MAGI1: variants seen among roughly 807,000 people sequenced by gnomAD.
MAGI1 encodes the protein membrane-associated guanylate kinase, WW and PDZ domain-containing protein 1.
Under a neutral mutation model 139.9 loss-of-function variants are expected in MAGI1, and 58 were observed. The ratio of observed to expected loss-of-function variants is 0.41; its 90% CI spans 0.34 to 0.52. The LOEUF (loss-of-function observed/expected upper bound fraction) is 0.52, where lower values mean the gene tolerates loss of function less well. Among genes scored for constraint, MAGI1 ranks in the 20% least tolerant of loss-of-function variants. The pLI, the probability that MAGI1 is intolerant of heterozygous loss-of-function variation, is 0.12. For synonymous variants in MAGI1, 812 were observed against 737.9 expected (o/e 1.10, Z -1.63); for missense variants, 1,874 against 1,901.6 (o/e 0.99, Z 0.27).
chr3:65,521,933 T>C (rs2078183299), intron 2 of MAGI1, among the ~76,000 whole-genome samples: 1 of 152,204 alleles, frequency 6.6e-6, no homozygotes, highest in Non-Finnish European at 1.5e-5. Context: ...CCTCTGACAT[T>C]TCTATTCTTC....
chr3:66,008,719 G>C (rs2067163040), intron 1 of MAGI1: 1 of 152,162 alleles, frequency 6.6e-6, no homozygotes, highest in South Asian at 2.1e-4. Context: ...GCAGGGAACA[G>C]TGTCCAGCCA....
At chr3:65,929,035 TCCA>T (rs2062663672) in intron 1 of MAGI1, among the ~76,000 whole-genome samples, 1 of 151,530 alleles carries the variant, frequency 6.6e-6, no homozygotes, top group Non-Finnish European at 1.5e-5. Flanking sequence ...ACACCTATAA[TCCA>T]CCAGTTTGGG....
At chr3:65,464,314 GC>G (rs1326678934) in intron 5 of MAGI1, among the ~76,000 whole-genome samples, 1 of 151,710 alleles carries the variant, frequency 6.6e-6, no homozygotes, top group African/African-American at 2.4e-5. Context: ...CCAGGTTCTT[GC>G]ACTGGGAGTT....
intron 1 of MAGI1, among the ~76,000 whole-genome samples, chr3:65,781,537 G>A (rs2038932883): frequency 6.6e-6 from 1 of 152,170 alleles, no homozygotes; most frequent in Non-Finnish European, 1.5e-5. Flanking sequence ...ACTAAATACA[G>A]TAGTGGTTTG....
At chr3:65,637,721 G>A (rs765645361) in intron 1 of MAGI1, among the ~76,000 whole-genome samples, 4 of 152,180 alleles carry the variant, frequency 2.6e-5, no homozygotes, top group Admixed American at 6.5e-5. Flanking sequence ...GCTGTTGTGC[G>A]AAAGGCAGCA....
chr3:65,769,007 G>C (rs1180894691), intron 1 of MAGI1, among the ~76,000 whole-genome samples: 1 of 151,998 alleles, frequency 6.6e-6, no homozygotes, highest in Non-Finnish European at 1.5e-5. Context: ...CCAGCAAAGA[G>C]CCTCTTGGTA....
intron 1 of MAGI1, among the ~76,000 whole-genome samples, chr3:65,913,377 C>T (rs916220234): frequency 3.3e-5 from 5 of 152,086 alleles, no homozygotes; most frequent in African/African-American, 1.2e-4. Context: ...GATTATTCCT[C>T]CTCCCCAACC....
At position 65,717,061 on chromosome 3, in the gene MAGI1, C is replaced by T. The variant is rs77405493; in HGVS notation, c.314-94973G>A. On this transcript the variant is annotated intron_variant, in intron 1 of 22. Transcript: ENST00000402939. Reference sequence around the variant, plus strand: ...AGTAAAGGACCTTGAGATGGAGAGACAATCCTGGATTATCTGGATGGGCAA... The same window carrying T: ...AGTAAAGGACCTTGAGATGGAGAGATAATCCTGGATTATCTGGATGGGCAA... Among the ~76,000 whole-genome samples the T allele has an allele frequency of 3.7e-3, 567 of 152,250 alleles. 2 individuals carry two copies. The highest frequency in any genetic ancestry group is 0.013 in the African/African-American group (529 of 41,546).
intron 1 of MAGI1, among the ~76,000 whole-genome samples, chr3:65,805,913 A>G (rs2040826277): frequency 6.6e-6 from 1 of 152,112 alleles, no homozygotes; most frequent in African/African-American, 2.4e-5. Flanking sequence ...CAGGGAGGGG[A>G]ATAACACACA....
At chr3:65,964,486 T>C (rs760194185) in intron 1 of MAGI1, among the ~76,000 whole-genome samples, 17 of 149,076 alleles carry the variant, frequency 1.1e-4, no homozygotes, top group East Asian at 2.0e-4. Flanking sequence ...CTTATTGAGA[T>C]AGAAAGAAAG....
chr3:65,864,289 AT>A (rs1287691218), intron 1 of MAGI1, among the ~76,000 whole-genome samples: 1 of 152,162 alleles, frequency 6.6e-6, no homozygotes, highest in Non-Finnish European at 1.5e-5. Context: ...TCAACACTGG[AT>A]TTTTCTAGCC....
At chr3:65,853,464 T>A (rs182380773) in intron 1 of MAGI1, among the ~76,000 whole-genome samples, 1 of 152,274 alleles carries the variant, frequency 6.6e-6, no homozygotes, top group East Asian at 1.9e-4. Context: ...ACGAGTTCCA[T>A]CCCTCAAATG....
At chr3:65,807,127 C>T (rs768579306) in intron 1 of MAGI1, among the ~76,000 whole-genome samples, 8 of 152,110 alleles carry the variant, frequency 5.3e-5, no homozygotes, top group Non-Finnish European at 8.8e-5. Context: ...AAGTTAAATG[C>T]CCTATTTAAG....
At chr3:66,035,363 C>T (rs76173077) in intron 1 of MAGI1, among the ~76,000 whole-genome samples, 6,717 of 152,260 alleles carry the variant, frequency 0.044, 193 homozygotes, top group African/African-American at 0.062. Context: ...GGGATGCAAA[C>T]AACACAAAAG....
chr3:65,633,748 A>G (rs1330984243), intron 1 of MAGI1, among the ~76,000 whole-genome samples: 2 of 152,148 alleles, frequency 1.3e-5, no homozygotes, highest in African/African-American at 4.8e-5. Flanking sequence ...GAAAAAAAAT[A>G]ACAAAGGATT....
At chr3:65,615,103 A>G (rs1488967263) in intron 2 of MAGI1, among the ~76,000 whole-genome samples, 1 of 152,130 alleles carries the variant, frequency 6.6e-6, no homozygotes, top group Non-Finnish European at 1.5e-5. Context: ...GTATCAATAG[A>G]AGTAACTGAC....
Position 65,693,926 on chromosome 3 carries a change from G to A in MAGI1, c.314-71838C>T, listed in dbSNP as rs530359514. ...AGTAGAGAGGGGGTTTCACCATGTC[G>A]GCCAGGCTGATCTCAAACTCCTGAC... is the stretch of plus-strand genomic sequence containing the variant. On this transcript the variant is annotated intron_variant, in intron 1 of 22. Coordinates refer to ENST00000402939, the MANE Select transcript of MAGI1 (RefSeq NM_001033057.2). 1.6e-4 allele frequency among the ~76,000 whole-genome samples: 25 copies of A among 152,014 alleles called. No individual in the cohort carries two copies. In the East Asian group the frequency reaches 4.7e-3, roughly 28 times the overall value.
chr3:65,520,387 A>G (rs959460864), intron 2 of MAGI1, among the ~76,000 whole-genome samples: 2 of 152,178 alleles, frequency 1.3e-5, no homozygotes, highest in Non-Finnish European at 2.9e-5. Flanking sequence ...AGAAAAACTT[A>G]TATTTGAACA....
At chr3:65,361,390 C>A in intron 21 of MAGI1, 53 bp from the exon 22 acceptor site, 1 of 1,589,878 alleles carries the variant, frequency 6.3e-7, no homozygotes, top group South Asian at 1.1e-5. Context: ...TACGGATTCA[C>A]CAAATGTTTA....
Sources: gnomAD v4.1 joint callset for allele counts (sites outside exome capture counted in the v4.1 genomes callset) on GRCh38, gnomAD v4.1.1 for gene constraint, MANE v1.5 for transcripts, NCBI Gene and HGNC (gene_info 2026-07-23, HGNC 2026-07-21) for gene names.